Variants in ZHX2 observed in about 807,000 individuals in gnomAD.
ZHX2 encodes the protein zinc fingers and homeoboxes protein 2.
Under a neutral mutation model 21.9 loss-of-function variants are expected in ZHX2, and 6 were observed. That is an observed-to-expected ratio of 0.27 (90% confidence interval 0.15 to 0.54). The LOEUF (loss-of-function observed/expected upper bound fraction) is 0.54. Among genes scored for constraint, ZHX2 ranks in the 20% least tolerant of loss-of-function variants. The pLI, the probability that ZHX2 is intolerant of heterozygous loss-of-function variation, is 0.95. For synonymous variants in ZHX2, 434 were observed against 437.1 expected (o/e 0.99, Z 0.09); for missense variants, 908 against 1,090.7 (o/e 0.83, Z 2.36).
intron 1 of ZHX2, among the ~76,000 whole-genome samples, chr8:122,786,754 G>T (rs1211405770): frequency 6.6e-6 from 1 of 150,570 alleles, no homozygotes; most frequent in Non-Finnish European, 1.5e-5. Context: ...TCATTTTGTG[G>T]CAAGTCCGTA....
intron 2 of ZHX2, among the ~76,000 whole-genome samples, chr8:122,939,636 A>G (rs1812793049): frequency 1.3e-5 from 2 of 152,188 alleles, no homozygotes; most frequent in Non-Finnish European, 2.9e-5. Flanking sequence ...GAGATGGAAA[A>G]GGTGAGCTGC....
intron 1 of ZHX2, among the ~76,000 whole-genome samples, chr8:122,826,072 G>T (rs895072619): frequency 2.0e-5 from 3 of 152,160 alleles, no homozygotes; most frequent in African/African-American, 7.2e-5. Context: ...GGAGTACAAA[G>T]AAACACTTGA....
chr8:122,879,655 A>G (rs1435758975), intron 2 of ZHX2, among the ~76,000 whole-genome samples: 5 of 152,074 alleles, frequency 3.3e-5, no homozygotes, highest in African/African-American at 1.2e-4. Flanking sequence ...ACTTTCTCAG[A>G]GTGGCAAAGG....
intron 2 of ZHX2, among the ~76,000 whole-genome samples, chr8:122,897,958 A>T (rs1820138902): frequency 6.6e-6 from 1 of 152,220 alleles, no homozygotes; most frequent in African/African-American, 2.4e-5. Context: ...ACCAAAATTC[A>T]TGAAGAGAAA....
intron 1 of ZHX2, among the ~76,000 whole-genome samples, chr8:122,831,284 G>A (rs757819385): frequency 5.9e-5 from 9 of 152,158 alleles, no homozygotes; most frequent in Non-Finnish European, 8.8e-5. Flanking sequence ...AGGAAAAGGC[G>A]GCGGCCAGAG....
chr8:122,955,074 G>GT (rs1382942491), intron 3 of ZHX2, among the ~76,000 whole-genome samples: 1 of 134,982 alleles, frequency 7.4e-6, no homozygotes, highest in South Asian at 2.4e-4. Context: ...TAAGCCGGGG[G>GT]GGGGGGGGTG....
intron 2 of ZHX2, among the ~76,000 whole-genome samples, chr8:122,935,798 G>A (rs1445418361): frequency 6.6e-6 from 1 of 152,090 alleles, no homozygotes; most frequent in Non-Finnish European, 1.5e-5. Context: ...GCCTCCCAAA[G>A]TGCTGGGATT....
intron 2 of ZHX2, among the ~76,000 whole-genome samples, chr8:122,920,911 G>A (rs1820721618): frequency 6.6e-6 from 1 of 152,130 alleles, no homozygotes; most frequent in South Asian, 2.1e-4. Flanking sequence ...ACAATGCACA[G>A]CACCTACGTT....
chr8:122,843,976 C>G (rs950738471), intron 1 of ZHX2, among the ~76,000 whole-genome samples: 1 of 152,090 alleles, frequency 6.6e-6, no homozygotes, highest in Non-Finnish European at 1.5e-5. Flanking sequence ...CACACACACA[C>G]ACACACACAC....
chr8:122,952,132 C>G lies in ZHX2; in HGVS notation c.622C>G (p.Pro208Ala), dbSNP rs770900574. 1.2e-6 allele frequency: 2 copies of G among 1,613,388 alleles called. No homozygotes were observed. The highest frequency in any genetic ancestry group is 3.3e-5 in the Admixed American group (2 of 59,944). Reference protein sequence around the residue: ...KVPKKPEEITPENHVEGTARL... With the variant: ...KVPKKPEEITAENHVEGTARL... ...GCCCAAGAAGCCCGAGGAGATCACC[C>G]CCGAGAACCACGTGGAAGGGACCGC... The change falls in exon 3 of 4, where the codon CCC becomes GCC. Residue 208 changes from proline (P) to alanine (A), a missense_variant. Coordinates refer to ENST00000314393, the MANE Select transcript of ZHX2 (RefSeq NM_014943.5). This position sits in a 1 kb window ranked among gnomAD's most constrained non-coding sequence, Gnocchi z 6.9.
Position 122,952,266 on chromosome 8 carries a change from C to T in ZHX2, c.756C>T (p.Ile252=), listed in dbSNP as rs1813141275. ...VMPSVQLPPN[I]NLVPKVPVPL... Reference sequence around the variant, plus strand: ...CTTCTGTACAGCTGCCACCAAATATCAACCTTGTGCCCAAGGTCCCTGTCC... The same window carrying T: ...CTTCTGTACAGCTGCCACCAAATATTAACCTTGTGCCCAAGGTCCCTGTCC... The change falls in exon 3 of 4, where the codon ATC becomes ATT. Residue 252 remains isoleucine, a synonymous_variant. Transcript: ENST00000314393. The surrounding 1 kb of genome is among the most constrained non-coding windows in gnomAD (Gnocchi z 6.9). 6.2e-7 allele frequency: 1 copy of T among 1,614,140 alleles called. No homozygotes were observed. Among genetic ancestry groups the T allele is most frequent in the South Asian group, 1.1e-5 (1 of 91,058 alleles).
chr8:122,841,280 C>T (rs1055850954), intron 1 of ZHX2, among the ~76,000 whole-genome samples: 16 of 152,096 alleles, frequency 1.1e-4, no homozygotes, highest in Admixed American at 5.9e-4. Flanking sequence ...GGAAGTCAGC[C>T]GGTGACTTCC....
chr8:122,937,932 G>A lies in ZHX2; in HGVS notation c.-219-13360G>A, dbSNP rs1441874012. On this transcript the variant is annotated intron_variant, in intron 2 of 3. Transcript: ENST00000314393. The stretch of plus-strand genomic sequence containing the variant: ...TATTATGTTTCCTGGTTTTCTTTTT[G>A]GTTTTTTTTTTTTTTTTTTTTTGAG... Among the ~76,000 whole-genome samples, 3 of 63,218 alleles carry A rather than the reference G, an allele frequency of 4.7e-5. No homozygotes were observed. In the South Asian group the frequency reaches 1.9e-3, roughly 40 times the overall value. 41.5% of individuals were successfully genotyped at this position (63,218 alleles called of 152,430 possible).
chr8:122,865,761 G>A (rs938254615), intron 2 of ZHX2, among the ~76,000 whole-genome samples: 3 of 152,196 alleles, frequency 2.0e-5, no homozygotes, highest in African/African-American at 7.2e-5. Context: ...TTCTTATTCT[G>A]GATGTGAGAC....
At chr8:122,932,457 C>A (rs1821017218) in intron 2 of ZHX2, among the ~76,000 whole-genome samples, 1 of 152,216 alleles carries the variant, frequency 6.6e-6, no homozygotes, top group Non-Finnish European at 1.5e-5. Context: ...TGTGTTCCTT[C>A]TCCATCTTCA....
intron 1 of ZHX2, among the ~76,000 whole-genome samples, chr8:122,852,205 A>G (rs1392645737): frequency 6.6e-6 from 1 of 152,156 alleles, no homozygotes; most frequent in Non-Finnish European, 1.5e-5. Context: ...TCTGCCTTTA[A>G]TAAACATGGC....
rs201528350 is a variant in ZHX2, at chr8:122,880,792, G to A, written c.-220+17253G>A. 1.2e-3 allele frequency among the ~76,000 whole-genome samples: 57 copies of A among 49,136 alleles called. 1 individual carries two copies. Among genetic ancestry groups the A allele is most frequent in the Non-Finnish European group, 1.6e-3 (32 of 19,798 alleles). 32.2% of individuals were successfully genotyped at this position (49,136 alleles called of 152,430 possible). On this transcript the variant is annotated intron_variant, in intron 2 of 3. Coordinates refer to ENST00000314393, the MANE Select transcript of ZHX2 (RefSeq NM_014943.5). ...TCCACCTCAAAAAAAAAAAAAAATA[G>A]AGAGAGTGAGAGATGCTCATGAGTG...
chr8:122,829,694 G>C lies in ZHX2; in HGVS notation c.-282-33783G>C, dbSNP rs556472863. 5.9e-5 allele frequency among the ~76,000 whole-genome samples: 9 copies of C among 152,362 alleles called. No homozygotes were observed. In the South Asian group the frequency reaches 1.0e-3, roughly 18 times the overall value. On this transcript the variant is annotated intron_variant, in intron 1 of 3. Transcript: ENST00000314393. The stretch of plus-strand genomic sequence containing the variant: ...ACACAAGCAAGTTTCTGTGACAACA[G>C]TTGAAAAGCTATAGCTGTAAGAGTT...
intron 1 of ZHX2, among the ~76,000 whole-genome samples, chr8:122,810,012 G>A (rs1312353618): frequency 2.0e-5 from 3 of 152,036 alleles, no homozygotes; most frequent in Admixed American, 6.6e-5. Context: ...TATAGTGCTT[G>A]ATTTCTTGAC....
Sources: allele counts gnomAD v4.1 joint callset (sites outside exome capture counted in the v4.1 genomes callset), GRCh38; gene constraint gnomAD v4.1.1; non-coding constraint Gnocchi (gnomAD v3.1); transcripts MANE v1.5; gene names NCBI Gene and HGNC (gene_info 2026-07-23, HGNC 2026-07-21).